The following UNC5C variants were observed in gnomAD, a reference collection of about 807,000 sequenced individuals.
The protein encoded by UNC5C is unc-5 netrin receptor C.
Under a neutral mutation model 99.8 loss-of-function variants are expected in UNC5C, and 47 were observed. The observed-to-expected ratio is 0.47, with a 90% CI of 0.37 to 0.60. The LOEUF (loss-of-function observed/expected upper bound fraction) is 0.60. Ranked by LOEUF, UNC5C falls within the 20% of genes least tolerant of loss-of-function variation. The probability of loss-of-function intolerance (pLI) is 0.00; values close to 1 mark genes in which losing one functional copy is unlikely to be tolerated. For missense variants in UNC5C, 1,062 were observed against 1,165.9 expected (o/e 0.91, Z 1.30); for synonymous variants, 487 against 452.2 (o/e 1.08, Z -0.98).
intron 1 of UNC5C, among the ~76,000 whole-genome samples, chr4:95,414,883 T>A (rs1050903828): frequency 2.0e-5 from 3 of 152,228 alleles, no homozygotes; most frequent in Admixed American, 6.5e-5. Flanking sequence ...TGGATAATTA[T>A]GCTGAAAAGA....
intron 2 of UNC5C, 26 bp downstream of exon 2, chr4:95,335,384 C>T (rs375601981): frequency 5.1e-6 from 8 of 1,582,904 alleles, no homozygotes; most frequent in Non-Finnish European, 6.9e-6. Context: ...TCTTGAAGTG[C>T]AATGCAAATG....
At chr4:95,223,375 A>G (rs1738549002) in intron 7 of UNC5C, among the ~76,000 whole-genome samples, 1 of 152,200 alleles carries the variant, frequency 6.6e-6, no homozygotes, top group African/African-American at 2.4e-5. Context: ...GAGGAAAACA[A>G]GTTTCACAAT....
chr4:95,279,863 C>T (rs903105441), intron 3 of UNC5C, among the ~76,000 whole-genome samples: 10 of 150,080 alleles, frequency 6.7e-5, no homozygotes, highest in African/African-American at 9.7e-5. Context: ...ACTGCTGGGG[C>T]GGGGCATGGG....
In UNC5C at chr4:95,339,248, T is replaced by A. The variant is rs1389235382; in HGVS notation, c.125-3617A>T. On this transcript the variant is annotated intron_variant, in intron 1 of 15. Coordinates refer to ENST00000453304, the MANE Select transcript of UNC5C (RefSeq NM_003728.4). ...GGGAAGGTGTGTGACTTTATGTGTCTGTGGCCTTCCTTTGGATGTTCCCTA... is the reference window on the plus strand; with the variant it reads ...GGGAAGGTGTGTGACTTTATGTGTCAGTGGCCTTCCTTTGGATGTTCCCTA... Among the ~76,000 whole-genome samples, 5 of 152,090 alleles carry A rather than the reference T, an allele frequency of 3.3e-5. No individual in the cohort carries two copies. The East Asian group carries it at 9.6e-4, about 29-fold the overall frequency.
chr4:95,332,977 C>T (rs942552484), intron 2 of UNC5C, among the ~76,000 whole-genome samples: 8 of 152,014 alleles, frequency 5.3e-5, no homozygotes, highest in African/African-American at 1.9e-4. Flanking sequence ...AAAAGGCTCA[C>T]CATCACTGGC....
At chr4:95,461,041 TACAA>T (rs1747584741) in intron 1 of UNC5C, among the ~76,000 whole-genome samples, 1 of 152,264 alleles carries the variant, frequency 6.6e-6, no homozygotes, top group Admixed American at 6.5e-5. Flanking sequence ...TATTAAATTC[TACAA>T]ACATTTTATT....
At chr4:95,479,573 A>G (rs947308598) in intron 1 of UNC5C, among the ~76,000 whole-genome samples, 9 of 151,996 alleles carry the variant, frequency 5.9e-5, no homozygotes, top group African/African-American at 2.2e-4. Context: ...ACTGACAACT[A>G]TAGTACCCAG....
chr4:95,336,227 GGA>G (rs764265255), intron 1 of UNC5C, among the ~76,000 whole-genome samples: 4 of 151,736 alleles, frequency 2.6e-5, no homozygotes, highest in Non-Finnish European at 5.9e-5. Flanking sequence ...TTTTAAACCT[GGA>G]TTCTGCATGA....
chr4:95,360,995 G>A (rs1029701495), intron 1 of UNC5C, among the ~76,000 whole-genome samples: 8 of 152,146 alleles, frequency 5.3e-5, no homozygotes, highest in African/African-American at 1.7e-4. Flanking sequence ...TTCCACTTCA[G>A]TAAACTCAGA....
At chr4:95,454,404 T>C (rs1026428527) in intron 1 of UNC5C, among the ~76,000 whole-genome samples, 1 of 152,034 alleles carries the variant, frequency 6.6e-6, no homozygotes, top group East Asian at 1.9e-4. Flanking sequence ...CTAGAGCAAG[T>C]TTAATGTCTT....
chr4:95,415,813 C>A (rs1200862920), intron 1 of UNC5C, among the ~76,000 whole-genome samples: 1 of 151,854 alleles, frequency 6.6e-6, no homozygotes, highest in Non-Finnish European at 1.5e-5. Context: ...AAAGTACAGG[C>A]GTTAAATGGC....
chr4:95,356,213 CAA>C (rs869165569), intron 1 of UNC5C, among the ~76,000 whole-genome samples: 1 of 78,154 alleles, frequency 1.3e-5, no homozygotes, highest in Non-Finnish European at 2.5e-5. Context: ...AAAAAAAAAA[CAA>C]AACAAAAAAA....
intron 1 of UNC5C, among the ~76,000 whole-genome samples, chr4:95,394,400 A>T (rs1304575528): frequency 6.6e-6 from 1 of 152,212 alleles, no homozygotes; most frequent in Non-Finnish European, 1.5e-5. Flanking sequence ...TCCTCTTGGG[A>T]GAACAGGGAT....
chr4:95,433,704 A>C (rs2149461069), intron 1 of UNC5C, among the ~76,000 whole-genome samples: 1 of 152,268 alleles, frequency 6.6e-6, no homozygotes, highest in African/African-American at 2.4e-5. Context: ...TTTACACAAA[A>C]TAGAATTCAC....
At chr4:95,506,412 A>C (rs1276283698) in intron 1 of UNC5C, among the ~76,000 whole-genome samples, 1 of 151,952 alleles carries the variant, frequency 6.6e-6, no homozygotes, top group Admixed American at 6.6e-5. Context: ...ATGTCACCAA[A>C]CCACCAACAC....
chr4:95,410,149 G>T (rs538811136), intron 1 of UNC5C, among the ~76,000 whole-genome samples: 1 of 152,216 alleles, frequency 6.6e-6, no homozygotes, highest in South Asian at 2.1e-4. Context: ...TGTAAGGAGG[G>T]TATTACTCCT....
chr4:95,246,197 A>G (rs1739496258), intron 5 of UNC5C, among the ~76,000 whole-genome samples: 1 of 152,240 alleles, frequency 6.6e-6, no homozygotes, highest in African/African-American at 2.4e-5. Context: ...TGGCAAAGCC[A>G]GCCACATATG....
chr4:95,456,685 A>G (rs986906857), intron 1 of UNC5C, among the ~76,000 whole-genome samples: 4 of 152,148 alleles, frequency 2.6e-5, no homozygotes, highest in African/African-American at 9.6e-5. Flanking sequence ...GGGAAGTTGA[A>G]GAAGGTGAAG....
chr4:95,183,451 A>G (rs547540933), intron 13 of UNC5C, among the ~76,000 whole-genome samples: 24 of 152,332 alleles, frequency 1.6e-4, no homozygotes, highest in African/African-American at 5.8e-4. Flanking sequence ...GCTCATTAAT[A>G]GAATCCCTGT....
Sources: allele counts gnomAD v4.1 joint callset (sites outside exome capture counted in the v4.1 genomes callset), GRCh38; gene constraint gnomAD v4.1.1; transcripts MANE v1.5; gene names NCBI Gene and HGNC (gene_info 2026-07-23, HGNC 2026-07-21).